The following KCNIP4 variants were observed in gnomAD, a reference collection of about 807,000 sequenced individuals.
KCNIP4 encodes potassium voltage-gated channel interacting protein 4.
In KCNIP4, 12 loss-of-function variants were observed where a neutral mutation model predicts 34.0. The observed-to-expected ratio is 0.35, with a 90% CI of 0.23 to 0.57. The LOEUF (loss-of-function observed/expected upper bound fraction) is 0.57, where lower values mean the gene tolerates loss of function less well. Ranked by LOEUF, KCNIP4 falls within the 20% of genes least tolerant of loss-of-function variation. The pLI, the probability that KCNIP4 is intolerant of heterozygous loss-of-function variation, is 0.83. For synonymous variants in KCNIP4, 124 were observed against 102.2 expected (o/e 1.21, Z -1.29); for missense variants, 238 against 311.7 (o/e 0.76, Z 1.78).
At chr4:21,510,385 G>A (rs1457331011) in intron 1 of KCNIP4, among the ~76,000 whole-genome samples, 1 of 152,066 alleles carries the variant, frequency 6.6e-6, no homozygotes, top group African/African-American at 2.4e-5. Context: ...AGGTTGGGGT[G>A]GGGGAAGAAA....
intron 3 of KCNIP4, among the ~76,000 whole-genome samples, chr4:20,775,049 A>G (rs927724189): frequency 6.6e-6 from 1 of 152,130 alleles, no homozygotes; most frequent in Non-Finnish European, 1.5e-5. Context: ...CCTCTGGTTT[A>G]TTATTTATTC....
intron 1 of KCNIP4, among the ~76,000 whole-genome samples, chr4:21,528,778 AGG>A (rs1736349250): frequency 6.1e-5 from 1 of 16,432 alleles, no homozygotes; most frequent in Admixed American, 6.1e-4. Flanking sequence ...AAAGAAAGAA[AGG>A]AAGAAAGGAA....
At chr4:21,631,528 G>T (rs1745766249) in intron 1 of KCNIP4, among the ~76,000 whole-genome samples, 1 of 152,148 alleles carries the variant, frequency 6.6e-6, no homozygotes, top group Admixed American at 6.6e-5. Flanking sequence ...AAGGTGGATG[G>T]AGTTAATGCT....
At chr4:21,739,199 G>C (rs1332685934) in intron 1 of KCNIP4, among the ~76,000 whole-genome samples, 1 of 152,088 alleles carries the variant, frequency 6.6e-6, no homozygotes, top group Non-Finnish European at 1.5e-5. Flanking sequence ...ACTGAGGAAA[G>C]AGCTTTCCTG....
At chr4:21,022,024 A>G (rs1740116077) in intron 1 of KCNIP4, among the ~76,000 whole-genome samples, 1 of 152,142 alleles carries the variant, frequency 6.6e-6, no homozygotes, top group Non-Finnish European at 1.5e-5. Context: ...TTTTTACACC[A>G]ACATCACCAA....
rs1452347409 is a variant in KCNIP4 at position 20,728,732 on chromosome 4, A to G, written c.*1350T>C. The stretch of plus-strand genomic sequence containing the variant: ...ATGTATTGTACTACTCTTAATTTCT[A>G]CACTGGTGATAGCAGGGCAGCTTTC... On this transcript the variant is annotated 3_prime_UTR_variant, in exon 9 of 9. Coordinates refer to ENST00000382152, the MANE Select transcript of KCNIP4 (RefSeq NM_025221.6). 2 of 152,616 alleles carry G rather than the reference A, an allele frequency of 1.3e-5. No homozygotes were observed. Among genetic ancestry groups the G allele is most frequent in the African/African-American group, 2.4e-5 (1 of 41,456 alleles). 9.5% of individuals were successfully genotyped at this position (152,616 alleles called of 1,614,324 possible).
intron 1 of KCNIP4, among the ~76,000 whole-genome samples, chr4:21,392,614 A>C (rs545276064): frequency 1.3e-4 from 20 of 152,338 alleles, no homozygotes; most frequent in African/African-American, 4.6e-4. Flanking sequence ...AATTACCCTT[A>C]AGAATGTTTG....
At chr4:21,614,345 G>A (rs1744418073) in intron 1 of KCNIP4, among the ~76,000 whole-genome samples, 1 of 151,772 alleles carries the variant, frequency 6.6e-6, no homozygotes. Context: ...GAATTTTCTG[G>A]TCAAACAAGC....
intron 1 of KCNIP4, among the ~76,000 whole-genome samples, chr4:21,548,140 G>A (rs1213483530): frequency 1.3e-5 from 2 of 152,246 alleles, no homozygotes; most frequent in Non-Finnish European, 1.5e-5. Flanking sequence ...AAGGAGCACA[G>A]CAGTGTCACC....
rs1578063951 is a variant in KCNIP4, at chr4:21,313,026, C to T, written c.62-430317G>A. Among the ~76,000 whole-genome samples, 5 of 152,202 alleles carry T rather than the reference C, an allele frequency of 3.3e-5. No homozygotes were observed. In the South Asian group the frequency reaches 1.0e-3, roughly 31 times the overall value. On this transcript the variant is annotated intron_variant, in intron 1 of 8. Coordinates refer to ENST00000382152, the MANE Select transcript of KCNIP4 (RefSeq NM_025221.6). Reference sequence around the variant, plus strand: ...GTTTGAGATCTAATAAAAAGCAAAACAGCAGCCACATGGAGCCCTTTCCCA... The same window carrying T: ...GTTTGAGATCTAATAAAAAGCAAAATAGCAGCCACATGGAGCCCTTTCCCA...
At chr4:21,805,191 G>A (rs1415709246) in intron 1 of KCNIP4, among the ~76,000 whole-genome samples, 1 of 152,196 alleles carries the variant, frequency 6.6e-6, no homozygotes. Flanking sequence ...TTCATGGTAT[G>A]TAAATTATAC....
At chr4:21,792,543 C>G (rs1016599460) in intron 1 of KCNIP4, among the ~76,000 whole-genome samples, 1 of 152,128 alleles carries the variant, frequency 6.6e-6, no homozygotes, top group Non-Finnish European at 1.5e-5. Context: ...TCATGGATAA[C>G]AGAAGTTTGC....
At chr4:21,231,261 C>T (rs973028032) in intron 1 of KCNIP4, among the ~76,000 whole-genome samples, 5 of 152,066 alleles carry the variant, frequency 3.3e-5, no homozygotes, top group Non-Finnish European at 7.4e-5. Context: ...TTTCTTAATG[C>T]AAAAAAATTA....
intron 1 of KCNIP4, among the ~76,000 whole-genome samples, chr4:21,445,939 C>A (rs1217937627): frequency 1.4e-4 from 22 of 152,106 alleles, no homozygotes; most frequent in African/African-American, 5.1e-4. Context: ...AAAAAACAAA[C>A]AACCCCATCA....
At chr4:21,758,392 G>A (rs16871847) in intron 1 of KCNIP4, among the ~76,000 whole-genome samples, 4,266 of 152,226 alleles carry the variant, frequency 0.028, 182 homozygotes, top group African/African-American at 0.096. Context: ...TTAAAAACAG[G>A]GTGACCCCCA....
intron 1 of KCNIP4, among the ~76,000 whole-genome samples, chr4:21,556,930 A>AAAAAAAAAAAAAAAAAAAAAAAAC (rs1553903108): frequency 6.0e-4 from 65 of 108,226 alleles, no homozygotes; most frequent in Non-Finnish European, 9.0e-4. Context: ...CAGAAAAAAA[A>AAAAAAAAAAAAAAAAAAAAAAAAC]AAAAAAAAAA....
chr4:21,029,157 T>A (rs1289163201), intron 1 of KCNIP4, among the ~76,000 whole-genome samples: 1 of 152,226 alleles, frequency 6.6e-6, no homozygotes, highest in Non-Finnish European at 1.5e-5. Flanking sequence ...CTACATTTGT[T>A]AAATCAATCT....
At chr4:20,760,240 G>C (rs773366312) in intron 3 of KCNIP4, among the ~76,000 whole-genome samples, 1 of 152,008 alleles carries the variant, frequency 6.6e-6, no homozygotes. Flanking sequence ...GCACTCCCAC[G>C]CCACCTAACG....
At chr4:21,234,693 G>A (rs1325951958) in intron 1 of KCNIP4, among the ~76,000 whole-genome samples, 1 of 149,880 alleles carries the variant, frequency 6.7e-6, no homozygotes, top group Non-Finnish European at 1.5e-5. Context: ...TGTCACCCAG[G>A]CTGGAGTACA....
Sources: allele counts gnomAD v4.1 joint callset (sites outside exome capture counted in the v4.1 genomes callset), GRCh38; gene constraint gnomAD v4.1.1; transcripts MANE v1.5; gene names NCBI Gene and HGNC (gene_info 2026-07-23, HGNC 2026-07-21).